Variants in PRKN observed in about 807,000 individuals in gnomAD.
The protein encoded by PRKN is parkin RBR E3 ubiquitin protein ligase, also known as E3 ubiquitin-protein ligase parkin.
A neutral mutation model predicts 59.5 loss-of-function variants in PRKN; 56 were observed. The observed-to-expected ratio is 0.94, with a 90% CI of 0.76 to 1.18. PRKN has a LOEUF of 1.18. Ranked by LOEUF, PRKN falls within the 50% of genes most tolerant of loss-of-function variation. The pLI is 0.00. For missense variants in PRKN, 657 were observed against 596.4 expected (o/e 1.10, Z -1.06); for synonymous variants, 250 against 222.1 (o/e 1.13, Z -1.12).
chr6:162,721,403 T>C (rs1485572738), intron 1 of PRKN, among the ~76,000 whole-genome samples: 2 of 152,224 alleles, frequency 1.3e-5, no homozygotes, highest in Non-Finnish European at 2.9e-5. Flanking sequence ...TTCATAATGC[T>C]CTTTTGTAGA....
chr6:162,558,726 C>A (rs1288897359), intron 1 of PRKN, among the ~76,000 whole-genome samples: 1 of 151,866 alleles, frequency 6.6e-6, no homozygotes, highest in Non-Finnish European at 1.5e-5. Flanking sequence ...ACAGTCTCTG[C>A]CTCCAAGGCT....
At position 161,401,142 on chromosome 6, in the gene PRKN, T is replaced by A. The variant is rs1787033365; in HGVS notation, c.1084-14265A>T. Among the ~76,000 whole-genome samples, 2 of 152,132 alleles carry A rather than the reference T, an allele frequency of 1.3e-5. No homozygotes were observed. The highest frequency in any genetic ancestry group is 4.8e-5 in the African/African-American group (2 of 41,416). Reference sequence around the variant, plus strand: ...CTCTTAATTTAGCCAACAAAGAAGGTTGGCTCAAAGACACCTGTTTTTGCA... The same window carrying A: ...CTCTTAATTTAGCCAACAAAGAAGGATGGCTCAAAGACACCTGTTTTTGCA... On this transcript the variant is annotated intron_variant, in intron 9 of 11. Transcript: ENST00000366898. This position sits in a 1 kb window ranked among gnomAD's most constrained non-coding sequence, Gnocchi z 4.4.
intron 1 of PRKN, among the ~76,000 whole-genome samples, chr6:162,550,486 GAGA>G (rs1311137712): frequency 6.6e-6 from 1 of 152,130 alleles, no homozygotes. Context: ...TGAGAGTTGG[GAGA>G]AGGAGGAGCT....
At chr6:162,341,444 A>G (rs1784174466) in intron 2 of PRKN, among the ~76,000 whole-genome samples, 1 of 152,198 alleles carries the variant, frequency 6.6e-6, no homozygotes, top group Non-Finnish European at 1.5e-5. Context: ...TCTACTATAA[A>G]GACACATGCA....
intron 1 of PRKN, among the ~76,000 whole-genome samples, chr6:162,474,405 CTTCT>C (rs1362906014): frequency 3.3e-5 from 5 of 152,058 alleles, no homozygotes; most frequent in East Asian, 1.9e-4. Flanking sequence ...AATCACTATA[CTTCT>C]TTGTTAGGTT....
rs1793072209 is a variant in PRKN, at chr6:162,496,578, C to T, written c.8-53105G>A. Among the ~76,000 whole-genome samples, 3 of 152,214 alleles carry T rather than the reference C, an allele frequency of 2.0e-5. No homozygotes were observed. The South Asian group carries it at 6.2e-4, about 32-fold the overall frequency. ...AATGTCTCAGATGAAACAAATCTCT[C>T]TCTCTCTCCTTAAACACATACAGAA... On this transcript the variant is annotated intron_variant, in intron 1 of 11. Transcript: ENST00000366898.
At position 161,530,254 on chromosome 6, in the gene PRKN, T is replaced by C. The variant is rs1259917376; in HGVS notation, c.1083+18600A>G. Among the ~76,000 whole-genome samples, 1 of 152,216 alleles carries C rather than the reference T, an allele frequency of 6.6e-6. No individual in the cohort carries two copies. Among genetic ancestry groups the C allele is most frequent in the Non-Finnish European group, 1.5e-5 (1 of 68,044 alleles). ...TAGTCCAAAGGAAGGGTTGTAAATT[T>C]AGACATTTTTTGAAGATTCACGTGT... is the stretch of plus-strand genomic sequence containing the variant. On this transcript the variant is annotated intron_variant, in intron 9 of 11. Transcript: ENST00000366898. The surrounding 1 kb of genome is among the most constrained non-coding windows in gnomAD (Gnocchi z 5.0).
At chr6:162,483,404 TA>T (rs1792392586) in intron 1 of PRKN, among the ~76,000 whole-genome samples, 3 of 152,228 alleles carry the variant, frequency 2.0e-5, no homozygotes, top group Admixed American at 2.0e-4. Context: ...AATTTAACTA[TA>T]TGCAAATTTT....
chr6:161,661,127 A>G (rs2128165469), intron 7 of PRKN, among the ~76,000 whole-genome samples: 1 of 152,282 alleles, frequency 6.6e-6, no homozygotes, highest in Non-Finnish European at 1.5e-5. Flanking sequence ...TCTTCACTCC[A>G]GCTACAGAAT....
At chr6:161,515,238 C>A (rs1369434335) in intron 9 of PRKN, among the ~76,000 whole-genome samples, 2 of 152,032 alleles carry the variant, frequency 1.3e-5, no homozygotes, top group Admixed American at 1.3e-4. Flanking sequence ...CTGTTTTCCC[C>A]CTTCCTGTTA....
intron 2 of PRKN, among the ~76,000 whole-genome samples, chr6:162,356,490 C>T (rs994156632): frequency 3.3e-5 from 5 of 151,892 alleles, no homozygotes; most frequent in Non-Finnish European, 7.4e-5. Flanking sequence ...CCCCAGACTA[C>T]CATAGTAGAC....
intron 2 of PRKN, among the ~76,000 whole-genome samples, chr6:162,387,995 C>A (rs911458928): frequency 6.6e-6 from 1 of 152,172 alleles, no homozygotes; most frequent in Non-Finnish European, 1.5e-5. Context: ...AACACACGGT[C>A]TCGTGGGGAA....
chr6:162,511,100 T>A (rs2128190412), intron 1 of PRKN, among the ~76,000 whole-genome samples: 1 of 152,280 alleles, frequency 6.6e-6, no homozygotes, highest in Middle Eastern at 3.4e-3. Flanking sequence ...TTTTCATGAT[T>A]GAGATCTTAA....
intron 1 of PRKN, among the ~76,000 whole-genome samples, chr6:162,638,007 C>T (rs1026260476): frequency 2.6e-5 from 4 of 151,860 alleles, no homozygotes; most frequent in African/African-American, 7.2e-5. Context: ...TACAATATAA[C>T]GAAGGCAGAT....
At chr6:162,711,610 G>A (rs557435741) in intron 1 of PRKN, among the ~76,000 whole-genome samples, 5 of 152,248 alleles carry the variant, frequency 3.3e-5, no homozygotes, top group Admixed American at 6.5e-5. Context: ...CCAAGCAGCC[G>A]TAGCTAATGC....
At chr6:161,681,247 C>A (rs191668995) in intron 7 of PRKN, among the ~76,000 whole-genome samples, 1 of 152,252 alleles carries the variant, frequency 6.6e-6, no homozygotes, top group East Asian at 1.9e-4. Flanking sequence ...CAGGCCTAAG[C>A]GACTGCACCC....
chr6:162,610,502 C>G (rs953083716), intron 1 of PRKN, among the ~76,000 whole-genome samples: 1 of 152,076 alleles, frequency 6.6e-6, no homozygotes, highest in African/African-American at 2.4e-5. Context: ...ATAATATTAA[C>G]AAGTAACGTT....
At position 162,201,169 on chromosome 6, in the gene PRKN, A is replaced by G. The variant is rs748118673; in HGVS notation, c.496T>C (p.Cys166Arg). ...AGCGTTGCCTGCCTGCAGGTGCTGC[A>G]CTGTACCCTGAGTTTTCCCGGCTGC... ...RVQPGKLRVQ[C>R]STCRQATLTL... is the part of the protein sequence containing the mutation. The change falls in exon 4 of 12, where the codon TGC (cysteine) becomes CGC (arginine). Residue 166 changes from cysteine (C) to arginine (R), a missense_variant. By Grantham distance (180) the Cys-to-Arg change is radical (BLOSUM62 -3). Coordinates refer to ENST00000366898, the MANE Select transcript of PRKN (RefSeq NM_004562.3). 1 of 1,614,126 alleles carries G rather than the reference A, an allele frequency of 6.2e-7. No homozygotes were observed. Among genetic ancestry groups the G allele is most frequent in the South Asian group, 1.1e-5 (1 of 91,082 alleles).
chr6:162,135,093 C>T (rs539241312), intron 4 of PRKN, among the ~76,000 whole-genome samples: 3 of 152,234 alleles, frequency 2.0e-5, no homozygotes, highest in Non-Finnish European at 4.4e-5. Context: ...GTCTAATTCA[C>T]AAAATATACT....
Sources: allele counts gnomAD v4.1 joint callset (sites outside exome capture counted in the v4.1 genomes callset), GRCh38; gene constraint gnomAD v4.1.1; non-coding constraint Gnocchi (gnomAD v3.1); transcripts MANE v1.5; gene names NCBI Gene and HGNC (gene_info 2026-07-23, HGNC 2026-07-21).